Variants in TELO2 observed in about 807,000 individuals in gnomAD.
TELO2 encodes telomere length regulation protein TEL2 homolog.
Under a neutral mutation model 91.0 loss-of-function variants are expected in TELO2, and 71 were observed. The observed-to-expected ratio is 0.78, with a 90% CI of 0.64 to 0.95. The LOEUF (loss-of-function observed/expected upper bound fraction) is 0.95. Ranked by LOEUF, TELO2 falls within the 40% of genes least tolerant of loss-of-function variation. The pLI is 0.00. For missense variants in TELO2, 1,183 were observed against 1,141.3 expected (o/e 1.04, Z -0.53); for synonymous variants, 584 against 518.9 (o/e 1.13, Z -1.71).
rs1163407778 is a variant in TELO2, at chr16:1,500,160, T to G, written c.998T>G (p.Leu333Arg). The G allele has an allele frequency of 6.2e-7, 1 of 1,603,382 alleles. No individual in the cohort carries two copies. The highest frequency in any genetic ancestry group is 8.5e-7 in the Non-Finnish European group (1 of 1,178,274). The change falls in exon 7 of 21, where the codon CTG becomes CGG. Residue 333 changes from leucine (L) to arginine (R), a missense_variant. Leu to Arg is a moderately radical substitution (Grantham distance 102). Coordinates refer to ENST00000262319, the MANE Select transcript of TELO2 (RefSeq NM_016111.4). Reference protein sequence around the residue: ...AMDSQRRPLLLQVLKELLETW... With the variant: ...AMDSQRRPLLRQVLKELLETW... ...GACAGCCAGCGGCGCCCGCTCCTGC[T>G]GCAGGTACGTGCCTCCTGGCTCTCC...
intron 5 of TELO2, among the ~76,000 whole-genome samples, chr16:1,498,722 G>GATATT (rs2039577112): frequency 6.6e-6 from 1 of 151,340 alleles, no homozygotes; most frequent in African/African-American, 2.4e-5. Flanking sequence ...TTATTTCTTT[G>GATATT]TGTGGAATTT....
Position 1,494,181 on chromosome 16 carries a change from G to A in TELO2, c.-36-65G>A. On this transcript the variant is annotated intron_variant, in intron 1 of 20. Coordinates refer to ENST00000262319, the MANE Select transcript of TELO2 (RefSeq NM_016111.4). The surrounding 1 kb of genome is among the most constrained non-coding windows in gnomAD (Gnocchi z 5.6). ...TGTGGGGTCTCGGGGCGCTCACCGA[G>A]GGGCTTCCTGAGCTTGTGTGGATTA... The A allele has an allele frequency of 8.4e-7, 1 of 1,189,720 alleles. No individual in the cohort carries two copies. The highest frequency in any genetic ancestry group is 1.4e-5 in the South Asian group (1 of 70,984). The allele number at this position is 1,189,720 out of a possible 1,614,324, so 73.7% of individuals were successfully genotyped here. A position where few individuals can be genotyped will look rare whatever the true frequency, so the allele number is the denominator to read the frequency against.
In TELO2 at chr16:1,493,443, C is replaced by T. The variant is rs932290681; in HGVS notation, c.-199C>T. 6.6e-6 allele frequency: 1 copy of T among 152,268 alleles called. No homozygotes were observed. Among genetic ancestry groups the T allele is most frequent in the East Asian group, 1.9e-4 (1 of 5,204 alleles). The allele number at this position is 152,268 out of a possible 1,614,324, so 9.4% of individuals were successfully genotyped here. ...ACCCGCCCCAGAGGCTCAAGAAAAC[C>T]CGCGGGAGCCTCGCCCGGACCCAGG... On this transcript the variant is annotated 5_prime_UTR_variant, in exon 1 of 21. Coordinates refer to ENST00000262319, the MANE Select transcript of TELO2 (RefSeq NM_016111.4). The surrounding 1 kb of genome is among the most constrained non-coding windows in gnomAD (Gnocchi z 4.3).
At position 1,502,120 on chromosome 16, in the gene TELO2, C is replaced by T. The variant is rs763395160; in HGVS notation, c.1546C>T (p.Arg516Trp). The change falls in exon 12 of 21, where the codon CGG (arginine) becomes TGG (tryptophan). Residue 516 changes from arginine (R) to tryptophan (W), a missense_variant. Arg to Trp is a moderately radical substitution (Grantham distance 101). Coordinates refer to ENST00000262319, the MANE Select transcript of TELO2 (RefSeq NM_016111.4). ...LKSSKAPAYV[R>W]DCVEALTTSE... ...GAGCAGCAAGGCTCCTGCCTACGTC[C>T]GGGACTGCGTGGAAGGTGGGCACGG... 22 of 1,612,874 alleles carry T rather than the reference C, an allele frequency of 1.4e-5. No individual in the cohort carries two copies. Among genetic ancestry groups the T allele is most frequent in the Non-Finnish European group, 1.4e-5 (16 of 1,179,966 alleles).
At chr16:1,501,931 C>A in intron 11 of TELO2, 116 bp from the exon 12 acceptor site, 1 of 1,489,154 alleles carries the variant, frequency 6.7e-7, no homozygotes, top group Non-Finnish European at 9.3e-7. Context: ...CCACCGTAGG[C>A]GCAGGGGCCG....
intron 15 of TELO2, among the ~76,000 whole-genome samples, chr16:1,503,717 G>A (rs1342201576): frequency 6.6e-6 from 1 of 152,212 alleles, no homozygotes; most frequent in African/African-American, 2.4e-5. Flanking sequence ...AGGGGATGTG[G>A]AGTGAGGGTT....
intron 5 of TELO2, among the ~76,000 whole-genome samples, chr16:1,498,313 C>T (rs1596254610): frequency 6.6e-6 from 1 of 152,224 alleles, no homozygotes; most frequent in Non-Finnish European, 1.5e-5. Flanking sequence ...CTGCACCCGG[C>T]TGACTTTGCA....
At chr16:1,496,545 G>T (rs192888981) in intron 3 of TELO2, among the ~76,000 whole-genome samples, 1 of 152,210 alleles carries the variant, frequency 6.6e-6, no homozygotes, top group Non-Finnish European at 1.5e-5. Context: ...GTCCCCACGC[G>T]GCTCTGTGCT....
intron 20 of TELO2, among the ~76,000 whole-genome samples, chr16:1,509,600 T>G (rs375003785): frequency 1.1e-4 from 16 of 152,358 alleles, no homozygotes; most frequent in African/African-American, 3.8e-4. Flanking sequence ...TTCCCATGGC[T>G]GCCTGTCCCG....
Position 1,509,973 on chromosome 16 carries a change from G to C in TELO2, c.*37G>C. The C allele has an allele frequency of 6.5e-7, 1 of 1,537,818 alleles. No homozygotes were observed. The highest frequency in any genetic ancestry group is 2.4e-5 in the East Asian group (1 of 41,300). ...CTCCCCAGGACCACCCTCGCCGACA[G>C]CAAGGCAGGCGGCTGAGCAGCGGCC... On this transcript the variant is annotated 3_prime_UTR_variant, in exon 21 of 21. Transcript: ENST00000262319.
At position 1,501,791 on chromosome 16, in the gene TELO2, C is replaced by T. The variant is rs767011813; in HGVS notation, c.1472+18C>T. The T allele has an allele frequency of 6.2e-7, 1 of 1,600,954 alleles. No individual in the cohort carries two copies. The highest frequency in any genetic ancestry group is 1.7e-5 in the Admixed American group (1 of 59,080). On this transcript the variant is annotated intron_variant, in intron 11 of 20. Transcript: ENST00000262319. Reference sequence around the variant, plus strand: ...CTGGACAGGTAGGGGCTCTGCCACCCCAGTGGGCAGCGTGCAGGAGGCCGG... The same window carrying T: ...CTGGACAGGTAGGGGCTCTGCCACCTCAGTGGGCAGCGTGCAGGAGGCCGG...
At position 1,500,675 on chromosome 16, in the gene TELO2, C is replaced by T. The variant is rs375232697; in HGVS notation, c.1257C>T (p.Pro419=). ...AGGTCGTTAGTGCCCGGATCCACCCCGAGGGGCCTCCCCTGAAATTCCAGG... is the reference window on the plus strand; with the variant it reads ...AGGTCGTTAGTGCCCGGATCCACCCTGAGGGGCCTCCCCTGAAATTCCAGG... ...VAEVVSARIH[P]EGPPLKFQYE... is the part of the protein sequence containing the mutation. Residue 419 remains proline, a synonymous_variant, in exon 9 of 21, where the codon CCC becomes CCT. Coordinates refer to ENST00000262319, the MANE Select transcript of TELO2 (RefSeq NM_016111.4). 32 of 1,612,388 alleles carry T rather than the reference C, an allele frequency of 2.0e-5. No homozygotes were observed. Among genetic ancestry groups the T allele is most frequent in the Admixed American group, 5.0e-5 (3 of 59,990 alleles).
At chr16:1,499,128 G>A in intron 5 of TELO2, 103 bp from the exon 6 acceptor site, 2 of 1,181,648 alleles carry the variant, frequency 1.7e-6, no homozygotes, top group Non-Finnish European at 2.5e-6. Flanking sequence ...GGAATTGGCA[G>A]GCCGGGAGTC....
At chr16:1,502,447 G>T (rs200693757) in intron 13 of TELO2, 43 bp downstream of exon 13, 1 of 1,558,110 alleles carries the variant, frequency 6.4e-7, no homozygotes, top group African/African-American at 1.4e-5. Context: ...CAAGATGGTA[G>T]CTCCCTCAAT....
At chr16:1,495,006 C>T (rs1201334965) in intron 2 of TELO2, among the ~76,000 whole-genome samples, 2 of 152,216 alleles carry the variant, frequency 1.3e-5, no homozygotes, top group African/African-American at 4.8e-5. Flanking sequence ...TCAGATCACA[C>T]TGCAGTCCTT....
chr16:1,497,303 C>CCCCAGACACCAGGTGGGTGCAG lies in TELO2; in HGVS notation c.683-56_683-35dup, dbSNP rs2039525534. ...GACTGTCCTTGCTGGACCCACACAGCCCCAGACACCAGGTGGGTGCAGCTC... is the reference window on the plus strand; with the variant it reads ...GACTGTCCTTGCTGGACCCACACAGCCCCAGACACCAGGTGGGTGCAGCCCAGACACCAGGTGGGTGCAGCTC... On this transcript the variant is annotated intron_variant, in intron 4 of 20. Coordinates refer to ENST00000262319, the MANE Select transcript of TELO2 (RefSeq NM_016111.4). This position sits in a 1 kb window ranked among gnomAD's most constrained non-coding sequence, Gnocchi z 4.0. The CCCCAGACACCAGGTGGGTGCAG allele has an allele frequency of 2.0e-6, 3 of 1,503,228 alleles. No individual in the cohort carries two copies. The highest frequency in any genetic ancestry group is 2.7e-6 in the Non-Finnish European group (3 of 1,119,788). 93.1% of individuals were successfully genotyped at this position (1,503,228 alleles called of 1,614,324 possible). A position where few individuals can be genotyped will look rare whatever the true frequency, so the allele number is the denominator to read the frequency against.
chr16:1,493,402 TGA>T lies in TELO2; in HGVS notation c.-236_-235del, dbSNP rs1359796800. ...CCTGGCGTCCTCCGCAGATTCGCGC[TGA>T]GAGGCCCGCGGAGACCCGCCCCAGA... On this transcript the variant is annotated 5_prime_UTR_variant, in exon 1 of 21. It removes the in-frame stop codon of an upstream open reading frame in the 5' UTR. Transcript: ENST00000262319. The surrounding 1 kb of genome is among the most constrained non-coding windows in gnomAD (Gnocchi z 4.3). The T allele has an allele frequency of 6.6e-6, 1 of 152,272 alleles. No homozygotes were observed. Among genetic ancestry groups the T allele is most frequent in the East Asian group, 1.9e-4 (1 of 5,170 alleles). The allele number at this position is 152,272 out of a possible 1,614,324, so 9.4% of individuals were successfully genotyped here.
chr16:1,493,899 G>T lies in TELO2; in HGVS notation c.-37+294G>T, dbSNP rs2039388070. Among the ~76,000 whole-genome samples the T allele has an allele frequency of 6.6e-6, 1 of 152,344 alleles. No homozygotes were observed. The highest frequency in any genetic ancestry group is 2.1e-4 in the South Asian group (1 of 4,832). On this transcript the variant is annotated intron_variant, in intron 1 of 20. Coordinates refer to ENST00000262319, the MANE Select transcript of TELO2 (RefSeq NM_016111.4). This position sits in a 1 kb window ranked among gnomAD's most constrained non-coding sequence, Gnocchi z 4.3. ...CCGCGGGCCGAGTTTCCCGCCTTGGGTGCGAGGACGCGTGGGGCCGCGCTG... is the reference window on the plus strand; with the variant it reads ...CCGCGGGCCGAGTTTCCCGCCTTGGTTGCGAGGACGCGTGGGGCCGCGCTG...
intron 11 of TELO2, 49 bp downstream of exon 11, chr16:1,501,822 G>A (rs781255327): frequency 2.7e-5 from 42 of 1,571,394 alleles, no homozygotes; most frequent in Admixed American, 1.0e-4. Flanking sequence ...GCCGGGAGGC[G>A]AACCCCTCAC....
Sources: gnomAD v4.1 joint callset for allele counts (sites outside exome capture counted in the v4.1 genomes callset) on GRCh38, gnomAD v4.1.1 for gene constraint, Gnocchi (gnomAD v3.1) non-coding constraint, MANE v1.5 for transcripts, NCBI Gene and HGNC (gene_info 2026-07-23, HGNC 2026-07-21) for gene names.